The following FRMD6 variants were observed in gnomAD, a reference collection of about 807,000 sequenced individuals.
FRMD6 encodes the protein FERM domain containing 6, also known as FERM domain-containing protein 6.
Under a neutral mutation model 73.2 loss-of-function variants are expected in FRMD6, and 37 were observed. The observed-to-expected ratio is 0.51, with a 90% CI of 0.39 to 0.66. FRMD6 has a LOEUF of 0.66. Among genes scored for constraint, FRMD6 ranks in the 30% least tolerant of loss-of-function variants. The pLI, the probability that FRMD6 is intolerant of heterozygous loss-of-function variation, is 0.00. For synonymous variants in FRMD6, 273 were observed against 282.2 expected, an observed-to-expected ratio of 0.97 and a Z score of 0.33; for missense variants, 714 against 780.5, an observed-to-expected ratio of 0.91 and a Z score of 1.02.
At chr14:51,607,769 A>C (rs1890322807) in intron 2 of FRMD6, among the ~76,000 whole-genome samples, 1 of 152,252 alleles carries the variant, frequency 6.6e-6, no homozygotes, top group Admixed American at 6.5e-5. Context: ...AAGTGACTTT[A>C]AAATGAAACA....
At chr14:51,437,229 T>C in the FRMD6 span, among the ~76,000 whole-genome samples, 3 of 152,120 alleles carry the variant, frequency 2.0e-5, no homozygotes, top group African/African-American at 7.2e-5. Flanking sequence ...AGTGAGAACA[T>C]GCAGTGTTTG....
upstream of FRMD6, among the ~76,000 whole-genome samples, chr14:51,484,551 A>T (rs1056149329): frequency 1.3e-5 from 2 of 152,212 alleles, no homozygotes; most frequent in South Asian, 2.1e-4. Flanking sequence ...AGGGCCCTGG[A>T]ACCCTGCTGT....
chr14:51,589,504 C>A (rs1432637651), intron 2 of FRMD6, among the ~76,000 whole-genome samples: 1 of 151,956 alleles, frequency 6.6e-6, no homozygotes, highest in Non-Finnish European at 1.5e-5. Context: ...AGAACAGAGC[C>A]CCATCTGCTT....
chr14:51,668,346 AC>A (rs1214355453), intron 1 of FRMD6, among the ~76,000 whole-genome samples: 1 of 152,122 alleles, frequency 6.6e-6, no homozygotes, highest in East Asian at 1.9e-4. Context: ...CTACTCCTTT[AC>A]CCAGGCTGGA....
chr14:51,620,622 A>G (rs914330148), intron 2 of FRMD6, among the ~76,000 whole-genome samples: 5 of 152,170 alleles, frequency 3.3e-5, no homozygotes, highest in Admixed American at 1.3e-4. Context: ...CTTGACCCCT[A>G]GGAATGTCAC....
At chr14:51,426,294 C>T in the FRMD6 span, among the ~76,000 whole-genome samples, 12 of 152,256 alleles carry the variant, frequency 7.9e-5, no homozygotes, top group Admixed American at 6.5e-4. Flanking sequence ...AGATCCTCCA[C>T]CTAGTCACGT....
At chr14:51,510,987 G>A (rs914100097) in intron 1 of FRMD6, among the ~76,000 whole-genome samples, 23 of 150,736 alleles carry the variant, frequency 1.5e-4, no homozygotes, top group African/African-American at 9.8e-5. Context: ...TTCGCTCCCC[G>A]CCCCCGCCAA....
At chr14:51,570,686 A>T (rs964361680) in intron 2 of FRMD6, among the ~76,000 whole-genome samples, 2 of 152,144 alleles carry the variant, frequency 1.3e-5, no homozygotes, top group Non-Finnish European at 2.9e-5. Context: ...TTTCCAGTTG[A>T]CTCTGATGCA....
At chr14:51,692,214 A>G (rs1442404566) in intron 2 of FRMD6, among the ~76,000 whole-genome samples, 1 of 152,108 alleles carries the variant, frequency 6.6e-6, no homozygotes, top group East Asian at 1.9e-4. Context: ...GGATGTGTGA[A>G]GTGGTGGGCT....
intron 1 of FRMD6, among the ~76,000 whole-genome samples, chr14:51,548,238 G>T (rs1453557521): frequency 6.6e-6 from 1 of 152,190 alleles, no homozygotes; most frequent in East Asian, 1.9e-4. Context: ...AAGAGGCATT[G>T]CCAGAAAATA....
chr14:51,724,603 G>A (rs1897841092), intron 12 of FRMD6, among the ~76,000 whole-genome samples: 1 of 152,106 alleles, frequency 6.6e-6, no homozygotes, highest in Non-Finnish European at 1.5e-5. Context: ...TACTTAATAT[G>A]TTTATGGCAT....
At chr14:51,627,200 G>A (rs1891150098) in intron 2 of FRMD6, among the ~76,000 whole-genome samples, 2 of 152,170 alleles carry the variant, frequency 1.3e-5, no homozygotes, top group Middle Eastern at 3.4e-3. Context: ...AAGTTGAAAG[G>A]GAGCATGATT....
intron 2 of FRMD6, among the ~76,000 whole-genome samples, chr14:51,594,781 C>T (rs1889619858): frequency 1.3e-5 from 2 of 152,128 alleles, no homozygotes; most frequent in Admixed American, 6.5e-5. Flanking sequence ...ATGGGTTAAC[C>T]CTTGTCCACC....
chr14:51,606,860 C>G lies in FRMD6; in HGVS notation c.-147+36450C>G, dbSNP rs1440708548. ...GGAAGCCAAAGGTGTAATGCTCAGTCTGAGGCCAAAGGCCTGAGAACCTGA... is the reference window on the plus strand; with the variant it reads ...GGAAGCCAAAGGTGTAATGCTCAGTGTGAGGCCAAAGGCCTGAGAACCTGA... On this transcript the variant is annotated intron_variant, in intron 2 of 14. Coordinates refer to the FRMD6 transcript ENST00000356218. Among the ~76,000 whole-genome samples the G allele has an allele frequency of 1.1e-4, 17 of 152,140 alleles. 1 individual carries two copies. The highest frequency in any genetic ancestry group is 1.5e-5 in the Non-Finnish European group (1 of 68,028).
intron 8 of FRMD6, among the ~76,000 whole-genome samples, chr14:51,711,898 C>T (rs1473981750): frequency 6.6e-6 from 1 of 152,212 alleles, no homozygotes; most frequent in East Asian, 1.9e-4. Flanking sequence ...CCAAACGTTT[C>T]TGTGTGTCAG....
the FRMD6 span, among the ~76,000 whole-genome samples, chr14:51,408,892 T>C: frequency 1.3e-5 from 2 of 152,240 alleles, no homozygotes; most frequent in African/African-American, 2.4e-5. Flanking sequence ...TCAGAGAGAA[T>C]TGATTTCCTC....
chr14:51,629,177 C>A (rs1891244249), intron 2 of FRMD6, among the ~76,000 whole-genome samples: 1 of 152,210 alleles, frequency 6.6e-6, no homozygotes, highest in Non-Finnish European at 1.5e-5. Context: ...CCGCGCCCAG[C>A]CACATCTCCC....
the FRMD6 span, among the ~76,000 whole-genome samples, chr14:51,398,922 G>C: frequency 6.6e-6 from 1 of 152,120 alleles, no homozygotes; most frequent in African/African-American, 2.4e-5. Context: ...AGTGTGTACA[G>C]AATAAAGCCC....
chr14:51,516,513 T>A (rs560989232), intron 1 of FRMD6, among the ~76,000 whole-genome samples: 3 of 137,474 alleles, frequency 2.2e-5, no homozygotes, highest in Non-Finnish European at 4.6e-5. Flanking sequence ...AGGGGGTATA[T>A]GTGTGTGCAC....
Sources: allele counts gnomAD v4.1 joint callset (sites outside exome capture counted in the v4.1 genomes callset), GRCh38; gene constraint gnomAD v4.1.1; transcripts MANE v1.5; gene names NCBI Gene and HGNC (gene_info 2026-07-23, HGNC 2026-07-21).